Variants in KIAA1217 observed in about 807,000 individuals in gnomAD.
The protein encoded by KIAA1217 is sickle tail protein homolog.
A neutral mutation model predicts 163.9 loss-of-function variants in KIAA1217; 88 were observed. The observed-to-expected ratio is 0.54, with a 90% CI of 0.45 to 0.64. The LOEUF is 0.64. KIAA1217 is among the 30% of genes least tolerant of loss of function. The pLI, the probability that KIAA1217 is intolerant of heterozygous loss-of-function variation, is 0.00. For synonymous variants in KIAA1217, 903 were observed against 923.1 expected, an observed-to-expected ratio of 0.98 and a Z score of 0.39; for missense variants, 2,372 against 2,475.0, an observed-to-expected ratio of 0.96 and a Z score of 0.88.
At chr10:24,219,939 T>C (rs757179384) in intron 2 of KIAA1217, 30 bp downstream of exon 2, 1 of 1,548,848 alleles carries the variant, frequency 6.5e-7, no homozygotes, top group Admixed American at 2.0e-5. Context: ...TCTCCTTGTG[T>C]AGCTCGCTCT....
intron 1 of KIAA1217, among the ~76,000 whole-genome samples, chr10:23,788,005 G>A (rs1346103127): frequency 6.6e-6 from 1 of 151,968 alleles, no homozygotes; most frequent in Non-Finnish European, 1.5e-5. Context: ...GCCAGCTTGG[G>A]CAACAAAGCG....
chr10:24,294,202 A>AAG (rs2079439275), intron 2 of KIAA1217, among the ~76,000 whole-genome samples: 1 of 151,260 alleles, frequency 6.6e-6, no homozygotes, highest in Admixed American at 6.6e-5. Flanking sequence ...AAAAAAAAAA[A>AAG]AAAAAAAAAA....
intron 3 of KIAA1217, among the ~76,000 whole-genome samples, chr10:24,429,990 C>CA (rs1157722451): frequency 1.3e-5 from 2 of 152,030 alleles, no homozygotes; most frequent in Admixed American, 6.6e-5. Context: ...AAAAAATATA[C>CA]AAAAAATTAG....
intron 4 of KIAA1217, among the ~76,000 whole-genome samples, chr10:24,434,241 G>A (rs975540039): frequency 1.3e-5 from 2 of 151,904 alleles, no homozygotes; most frequent in Non-Finnish European, 2.9e-5. Flanking sequence ...GTTTTACCAC[G>A]TGGGTCAGGC....
intron 2 of KIAA1217, among the ~76,000 whole-genome samples, chr10:24,034,412 A>T (rs1197600293): frequency 6.6e-6 from 1 of 151,970 alleles, no homozygotes; most frequent in Non-Finnish European, 1.5e-5. Flanking sequence ...ATACAAAAAA[A>T]ATTAGCCAGG....
At chr10:24,314,259 C>A (rs1278424996) in intron 2 of KIAA1217, among the ~76,000 whole-genome samples, 1 of 152,132 alleles carries the variant, frequency 6.6e-6, no homozygotes, top group Non-Finnish European at 1.5e-5. Context: ...TAGAACCAAC[C>A]ACATGTCTTT....
chr10:23,766,173 T>C (rs1193746534), intron 1 of KIAA1217, among the ~76,000 whole-genome samples: 1 of 152,242 alleles, frequency 6.6e-6, no homozygotes, highest in African/African-American at 2.4e-5. Flanking sequence ...ACCTCAGTAG[T>C]TCCCCCAGGA....
intron 2 of KIAA1217, among the ~76,000 whole-genome samples, chr10:24,312,789 C>T (rs2042875099): frequency 1.3e-5 from 2 of 152,092 alleles, no homozygotes; most frequent in South Asian, 2.1e-4. Flanking sequence ...ATGGTGCAGA[C>T]CTGTGGTCCC....
chr10:24,053,566 C>T (rs1424815041), intron 2 of KIAA1217, among the ~76,000 whole-genome samples: 1 of 151,992 alleles, frequency 6.6e-6, no homozygotes, highest in Non-Finnish European at 1.5e-5. Context: ...ATATTTTACC[C>T]TGTTGATTAG....
chr10:23,702,647 A>C (rs1836536187), intron 1 of KIAA1217, among the ~76,000 whole-genome samples: 1 of 147,742 alleles, frequency 6.8e-6, no homozygotes, highest in Non-Finnish European at 1.5e-5. Flanking sequence ...TTGCTAGTTT[A>C]CTTAACAGAA....
chr10:24,279,293 A>G (rs2077654792), intron 2 of KIAA1217, among the ~76,000 whole-genome samples: 1 of 151,740 alleles, frequency 6.6e-6, no homozygotes, highest in Non-Finnish European at 1.5e-5. Flanking sequence ...TTTTTTTAAA[A>G]AAAGATCTGC....
chr10:24,471,905 A>AAAAAAG (rs2063560370), intron 5 of KIAA1217, among the ~76,000 whole-genome samples: 1 of 151,462 alleles, frequency 6.6e-6, no homozygotes, highest in Non-Finnish European at 1.5e-5. Flanking sequence ...AAAAAAAAAA[A>AAAAAAG]AAAAATCTGT....
At chr10:23,743,667 T>C (rs1189321992) in intron 1 of KIAA1217, among the ~76,000 whole-genome samples, 1 of 152,224 alleles carries the variant, frequency 6.6e-6, no homozygotes, top group Admixed American at 6.5e-5. Flanking sequence ...CAAGATTTTA[T>C]GTTTTGGAGT....
chr10:24,526,696 G>A (rs2072239985), intron 13 of KIAA1217, among the ~76,000 whole-genome samples: 1 of 152,160 alleles, frequency 6.6e-6, no homozygotes, highest in Admixed American at 6.5e-5. Context: ...AGATTACTGA[G>A]CCTGTTATGT....
At chr10:24,098,166 G>T (rs2062237923) in intron 2 of KIAA1217, among the ~76,000 whole-genome samples, 1 of 152,074 alleles carries the variant, frequency 6.6e-6, no homozygotes, top group Non-Finnish European at 1.5e-5. Context: ...AAGCATATGG[G>T]ATCTTATGGA....
Position 24,438,469 on chromosome 10 carries a change from G to A in KIAA1217, c.836G>A (p.Gly279Glu). 1 of 1,606,494 alleles carries A rather than the reference G, an allele frequency of 6.2e-7. No homozygotes were observed. The highest frequency in any genetic ancestry group is 1.1e-5 in the South Asian group (1 of 90,924). ...AATCACACACCAAAAACTATGAATG[G>A]AGACATGAGGGTAAGTGTTTCTGTC... ...AFNHTPKTMN[G>E]DMRMQRELVY... Residue 279 changes from glycine to glutamate, a missense_variant, in exon 5 of 21, where the codon GGA (glycine) becomes GAA (glutamate). Physicochemically the swap from Gly to Glu is moderately conservative, Grantham distance 98 (BLOSUM62 -2). Around this residue, in one of 3 missense-constraint regions of KIAA1217, gnomAD observed 1,431 missense variants for 1,470.3 expected, o/e 0.97. Transcript: ENST00000376454.
In KIAA1217 at chr10:24,408,882, T is replaced by G. The variant is rs963969079; in HGVS notation, c.554-24113T>G. The stretch of plus-strand genomic sequence containing the variant: ...ACCTGATATAGTATACGCTCATTCT[T>G]AAACTGACATATGACCTGTCTCTTG... On this transcript the variant is annotated intron_variant, in intron 3 of 20. Coordinates refer to ENST00000376454, the MANE Select transcript of KIAA1217 (RefSeq NM_019590.5). Among the ~76,000 whole-genome samples the G allele has an allele frequency of 9.9e-5, 15 of 151,626 alleles. 1 individual carries two copies. Among genetic ancestry groups the G allele is most frequent in the Admixed American group, 3.3e-4 (5 of 15,202 alleles).
intron 1 of KIAA1217, among the ~76,000 whole-genome samples, chr10:23,833,935 T>G (rs935180355): frequency 2.6e-5 from 4 of 152,068 alleles, no homozygotes; most frequent in Non-Finnish European, 4.4e-5. Context: ...TGTTTCATAG[T>G]TTATTGTTGT....
At chr10:24,407,304 G>A (rs1033900144) in intron 3 of KIAA1217, among the ~76,000 whole-genome samples, 5 of 151,924 alleles carry the variant, frequency 3.3e-5, no homozygotes, top group Admixed American at 1.3e-4. Flanking sequence ...GTGCGTGCGC[G>A]TGCGCATGTG....
Sources: gnomAD v4.1 joint callset for allele counts (sites outside exome capture counted in the v4.1 genomes callset) on GRCh38, gnomAD v4.1.1 for gene constraint, gnomAD v4.1.1 regional missense constraint, MANE v1.5 for transcripts, NCBI Gene and HGNC (gene_info 2026-07-23, HGNC 2026-07-21) for gene names.